The following ZNF521 variants were observed in gnomAD, a reference collection of about 807,000 sequenced individuals.
The protein encoded by ZNF521 is zinc finger protein 521.
A neutral mutation model predicts 105.5 loss-of-function variants in ZNF521; 14 were observed. The ratio of observed to expected loss-of-function variants is 0.13; its 90% CI spans 0.09 to 0.21. The LOEUF (loss-of-function observed/expected upper bound fraction) is 0.21, where lower values mean the gene tolerates loss of function less well. Among genes scored for constraint, ZNF521 ranks in the 10% least tolerant of loss-of-function variants. The pLI, the probability that ZNF521 is intolerant of heterozygous loss-of-function variation, is 1.00. For missense variants in ZNF521, 1,233 were observed against 1,629.7 expected (o/e 0.76, Z 4.19); for synonymous variants, 635 against 606.0 (o/e 1.05, Z -0.70).
chr18:25,327,636 G>A (rs1054083235), intron 2 of ZNF521: 2 of 521,532 alleles, frequency 3.8e-6, no homozygotes, highest in Admixed American at 3.9e-5. Flanking sequence ...AAAAACCAAA[G>A]GGCGGGATCA....
rs560485278 is a variant in ZNF521, at chr18:25,227,489, T to C, written c.429A>G (p.Lys143=). The change falls in exon 4 of 8, where the codon AAA becomes AAG. Residue 143 remains lysine (K), a synonymous_variant. Coordinates refer to ENST00000361524, the MANE Select transcript of ZNF521 (RefSeq NM_015461.3). This position sits in a 1 kb window ranked among gnomAD's most constrained non-coding sequence, Gnocchi z 5.7. ...LKHHEQSHSD[K]LPFKCTYCSR... ...TGCAGTAGGTGCATTTGAAAGGCAGTTTGTCACTGTGACTCTGCTCATGGT... is the reference window on the plus strand; with the variant it reads ...TGCAGTAGGTGCATTTGAAAGGCAGCTTGTCACTGTGACTCTGCTCATGGT... 1 of 1,614,120 alleles carries C rather than the reference T, an allele frequency of 6.2e-7. No homozygotes were observed. The highest frequency in any genetic ancestry group is 1.1e-5 in the South Asian group (1 of 91,080).
At chr18:25,294,394 G>A (rs531267926) in intron 3 of ZNF521, among the ~76,000 whole-genome samples, 2 of 152,120 alleles carry the variant, frequency 1.3e-5, no homozygotes, top group African/African-American at 4.8e-5. Flanking sequence ...TGATTCTATA[G>A]GCCTAGGATG....
intron 2 of ZNF521, among the ~76,000 whole-genome samples, chr18:25,340,318 A>G (rs1568087975): frequency 6.6e-6 from 1 of 152,068 alleles, no homozygotes; most frequent in Non-Finnish European, 1.5e-5. Flanking sequence ...TAGCACCACT[A>G]CACTCCAGCC....
At chr18:25,218,714 G>A (rs1905500961) in intron 4 of ZNF521, among the ~76,000 whole-genome samples, 1 of 151,372 alleles carries the variant, frequency 6.6e-6, no homozygotes, top group African/African-American at 2.4e-5. Context: ...CGGGAATGGT[G>A]GTTCATTCCT....
chr18:25,102,479 A>G (rs2033986164), intron 5 of ZNF521, among the ~76,000 whole-genome samples: 4 of 151,792 alleles, frequency 2.6e-5, no homozygotes, highest in Non-Finnish European at 5.9e-5. Context: ...CTAACTAAGG[A>G]CTTTTTTAAA....
At chr18:25,161,225 C>G (rs2035245364) in intron 5 of ZNF521, among the ~76,000 whole-genome samples, 3 of 152,176 alleles carry the variant, frequency 2.0e-5, no homozygotes, top group Admixed American at 2.0e-4. Flanking sequence ...AATAATTTTT[C>G]TAAAACACAC....
intron 2 of ZNF521, among the ~76,000 whole-genome samples, chr18:25,348,941 C>A (rs994982716): frequency 1.3e-5 from 2 of 152,206 alleles, no homozygotes; most frequent in Non-Finnish European, 2.9e-5. Context: ...GCACTGGGAA[C>A]AAACGCATTC....
rs36120208 is a variant in ZNF521, at chr18:25,229,537, C to CA, written c.221-1841dup. On this transcript the variant is annotated intron_variant, in intron 3 of 7. Coordinates refer to ENST00000361524, the MANE Select transcript of ZNF521 (RefSeq NM_015461.3). ...TAAACTCAACTCACCACTCAACATA[C>CA]AAAAAAAAAAATTTAACTAAAAGCA... 2.9e-3 allele frequency among the ~76,000 whole-genome samples: 427 copies of CA among 148,220 alleles called. 6 individuals carry two copies. Among genetic ancestry groups the CA allele is most frequent in the African/African-American group, 9.1e-3 (373 of 40,786 alleles).
intron 5 of ZNF521, among the ~76,000 whole-genome samples, chr18:25,138,340 A>G (rs942781165): frequency 6.6e-6 from 1 of 152,206 alleles, no homozygotes; most frequent in Non-Finnish European, 1.5e-5. Context: ...AAATTTTGAA[A>G]GAAAAAAGAT....
chr18:25,161,100 A>G (rs1480246546), intron 5 of ZNF521, among the ~76,000 whole-genome samples: 3 of 152,096 alleles, frequency 2.0e-5, no homozygotes, highest in African/African-American at 7.2e-5. Context: ...GCAATATGCA[A>G]TATACTCATT....
At chr18:25,237,610 C>T (rs1314985304) in intron 3 of ZNF521, among the ~76,000 whole-genome samples, 2 of 152,074 alleles carry the variant, frequency 1.3e-5, no homozygotes, top group African/African-American at 4.8e-5. Context: ...AGAAAAGAAT[C>T]CAAGGTAGTG....
At chr18:25,350,429 G>A (rs1914684658) in intron 2 of ZNF521, among the ~76,000 whole-genome samples, 1 of 152,108 alleles carries the variant, frequency 6.6e-6, no homozygotes, top group African/African-American at 2.4e-5. Context: ...GGCCACGTTT[G>A]TCACGAGCGG....
intron 7 of ZNF521, 114 bp downstream of exon 7, chr18:25,089,347 CACAA>C (rs2033695278): frequency 1.3e-6 from 1 of 760,056 alleles, no homozygotes; most frequent in Non-Finnish European, 2.2e-6. Flanking sequence ...CCCCAATACA[CACAA>C]AGCATCATGG....
intron 4 of ZNF521, among the ~76,000 whole-genome samples, chr18:25,205,984 T>C (rs1434236774): frequency 6.6e-6 from 1 of 152,068 alleles, no homozygotes; most frequent in East Asian, 1.9e-4. Flanking sequence ...CTCTGTCTTA[T>C]TCATTTTTTT....
chr18:25,324,205 G>A (rs1405158016), intron 2 of ZNF521, among the ~76,000 whole-genome samples: 3 of 152,122 alleles, frequency 2.0e-5, no homozygotes, highest in African/African-American at 4.8e-5. Context: ...TAGTGATGGT[G>A]AGAAACGGAA....
chr18:25,210,809 A>G (rs2036166291), intron 4 of ZNF521, among the ~76,000 whole-genome samples: 2 of 151,880 alleles, frequency 1.3e-5, no homozygotes, highest in Non-Finnish European at 2.9e-5. Flanking sequence ...CTCTCCCACG[A>G]CTCTGTCCTC....
rs1192609094 is a variant in ZNF521 at position 25,227,746 on chromosome 18, G to C, written c.221-49C>G. On this transcript the variant is annotated intron_variant, in intron 3 of 7. Transcript: ENST00000361524. This position sits in a 1 kb window ranked among gnomAD's most constrained non-coding sequence, Gnocchi z 5.7. The stretch of plus-strand genomic sequence containing the variant: ...TTTCATCTGACATGTTGAGATTCAA[G>C]AGTGAGTTTACCGTAGCATTTCAAC... 2 of 1,515,890 alleles carry C rather than the reference G, an allele frequency of 1.3e-6. No individual in the cohort carries two copies. Among genetic ancestry groups the C allele is most frequent in the East Asian group, 2.3e-5 (1 of 43,688 alleles). 93.9% of individuals were successfully genotyped at this position (1,515,890 alleles called of 1,614,324 possible). A position where few individuals can be genotyped will look rare whatever the true frequency, so the allele number is the denominator to read the frequency against.
intron 5 of ZNF521, among the ~76,000 whole-genome samples, chr18:25,154,539 A>G (rs1303778345): frequency 4.6e-5 from 7 of 152,194 alleles, no homozygotes; most frequent in Non-Finnish European, 1.0e-4. Flanking sequence ...AATTCTTAAT[A>G]TAAGTTGAGG....
intron 5 of ZNF521, among the ~76,000 whole-genome samples, chr18:25,180,142 T>C (rs979714707): frequency 1.3e-5 from 2 of 152,158 alleles, no homozygotes; most frequent in African/African-American, 4.8e-5. Flanking sequence ...CCACAACACT[T>C]GGAAGATTAT....
Sources: gnomAD v4.1 joint callset for allele counts (sites outside exome capture counted in the v4.1 genomes callset) on GRCh38, gnomAD v4.1.1 for gene constraint, Gnocchi (gnomAD v3.1) non-coding constraint, MANE v1.5 for transcripts, NCBI Gene and HGNC (gene_info 2026-07-23, HGNC 2026-07-21) for gene names.